Variants in USP24 observed in about 807,000 individuals in gnomAD.
The protein encoded by USP24 is ubiquitin carboxyl-terminal hydrolase 24.
In USP24, 97 loss-of-function variants were observed where a neutral mutation model predicts 361.6. The ratio of observed to expected loss-of-function variants is 0.27; its 90% CI spans 0.23 to 0.32. USP24 has a LOEUF of 0.32. USP24 is among the 10% of genes least tolerant of loss of function. The pLI is 1.00. For synonymous variants in USP24, 1,098 were observed against 1,124.6 expected (o/e 0.98, Z 0.47); for missense variants, 2,353 against 3,165.6 (o/e 0.74, Z 6.16).
intron 56 of USP24, chr1:55,084,379 A>G (rs1645209144): frequency 6.5e-6 from 1 of 152,818 alleles, no homozygotes; most frequent in Non-Finnish European, 1.5e-5. Context: ...ATATCGACTC[A>G]GCCGTGAACT....
Position 55,068,931 on chromosome 1 carries a change from C to T in USP24, c.*114G>A. The T allele has an allele frequency of 8.8e-7, 1 of 1,130,572 alleles. No homozygotes were observed. The highest frequency in any genetic ancestry group is 2.4e-5 in the East Asian group (1 of 42,294). 70.0% of individuals were successfully genotyped at this position (1,130,572 alleles called of 1,614,324 possible). A position where few individuals can be genotyped will look rare whatever the true frequency, so the allele number is the denominator to read the frequency against. On this transcript the variant is annotated 3_prime_UTR_variant, in exon 68 of 68. Transcript: ENST00000294383. ...AATACACGATCCGCCCAAGTCACAG[C>T]AGCTTTCCCAGTCCAATCTCCAGGC...
At chr1:55,179,619 T>C (rs145364829) in intron 1 of USP24, among the ~76,000 whole-genome samples, 232 of 152,292 alleles carry the variant, frequency 1.5e-3, no homozygotes, top group African/African-American at 5.3e-3. Flanking sequence ...ATTCATCTAG[T>C]AGCATAGCCA....
At chr1:55,073,997 CA>C in intron 63 of USP24, 91 bp from the exon 64 acceptor site, 1 of 981,780 alleles carries the variant, frequency 1.0e-6, no homozygotes. Flanking sequence ...TAAAAATCGA[CA>C]AACTATTTTA....
Position 55,172,556 on chromosome 1 carries a change from TGAAAAAA to T in USP24, c.559-43_559-37del, listed in dbSNP as rs1407283474. On this transcript the variant is annotated intron_variant, in intron 3 of 67. Coordinates refer to ENST00000294383, the MANE Select transcript of USP24 (RefSeq NM_015306.3). ...ATAAAGGGCAATCTAGAGTCTAACT[TGAAAAAA>T]GAAAATAAATCTACAGTTTATCAAG... 1.4e-5 allele frequency: 22 copies of T among 1,564,708 alleles called. No individual in the cohort carries two copies. The Admixed American group carries it at 4.4e-4, about 31-fold the overall frequency.
rs755942568 is a variant in USP24, at chr1:55,125,380, C to T, written c.3900G>A (p.Val1300=). 6.2e-7 allele frequency: 1 copy of T among 1,613,862 alleles called. No homozygotes were observed. The highest frequency in any genetic ancestry group is 8.5e-7 in the Non-Finnish European group (1 of 1,179,894). Residue 1300 remains valine, a synonymous_variant, in exon 34 of 68, where the codon GTG becomes GTA. Transcript: ENST00000294383. ...PEKSSYRQLS[V]SDRSSIRVEE... Reference sequence around the variant, plus strand: ...CAACCCTAATAGAAGACCTATCAGACACGGACAACTGTCGGTAGGATGACT... The same window carrying T: ...CAACCCTAATAGAAGACCTATCAGATACGGACAACTGTCGGTAGGATGACT...
At chr1:55,089,497 A>T in intron 55 of USP24, 130 bp downstream of exon 55, 1 of 653,830 alleles carries the variant, frequency 1.5e-6, no homozygotes. Context: ...GTTTCAGTGA[A>T]GAGAGTTTAA....
At chr1:55,076,632 C>T (rs1297987087) in intron 62 of USP24, among the ~76,000 whole-genome samples, 1 of 152,174 alleles carries the variant, frequency 6.6e-6, no homozygotes, top group Non-Finnish European at 1.5e-5. Context: ...TTATTTCACA[C>T]TCAGAATATT....
intron 56 of USP24, 108 bp downstream of exon 56, chr1:55,085,834 T>C (rs1329687326): frequency 8.9e-7 from 1 of 1,118,636 alleles, no homozygotes; most frequent in African/African-American, 1.6e-5. Flanking sequence ...GGTGTATTTA[T>C]GTGGCAAAAT....
rs1258089179 is a variant in USP24, at chr1:55,122,032, T to C, written c.4277-526A>G. On this transcript the variant is annotated intron_variant, in intron 36 of 67. Coordinates refer to ENST00000294383, the MANE Select transcript of USP24 (RefSeq NM_015306.3). ...AATCTACTACACATCAGACAGTGTT[T>C]GGGGGCTGGAGATTCATCAGGGAAC... 2.6e-5 allele frequency among the ~76,000 whole-genome samples: 4 copies of C among 152,304 alleles called. No individual in the cohort carries two copies. In the East Asian group the frequency reaches 7.7e-4, roughly 29 times the overall value.
At chr1:55,210,913 A>G in intron 1 of USP24, among the ~76,000 whole-genome samples, 1 of 152,228 alleles carries the variant, frequency 6.6e-6, no homozygotes, top group Non-Finnish European at 1.5e-5. Context: ...TTAATATGAA[A>G]TCTCCTTCCA....
intron 55 of USP24, among the ~76,000 whole-genome samples, chr1:55,087,672 T>C (rs1472522808): frequency 2.6e-5 from 4 of 152,220 alleles, no homozygotes. Flanking sequence ...AGTATTTGAC[T>C]GCTTGCTATT....
chr1:55,187,860 T>C (rs1644176118), intron 1 of USP24, among the ~76,000 whole-genome samples: 1 of 152,166 alleles, frequency 6.6e-6, no homozygotes. Context: ...CCCAAATTGG[T>C]CTACAAATTG....
intron 38 of USP24, among the ~76,000 whole-genome samples, chr1:55,112,346 G>A (rs970832062): frequency 6.6e-5 from 10 of 152,066 alleles, no homozygotes; most frequent in African/African-American, 1.9e-4. Flanking sequence ...TGCTTCTCTA[G>A]TTCTTTTAAT....
chr1:55,175,505 C>A (rs1007130752), intron 3 of USP24, among the ~76,000 whole-genome samples: 4 of 152,058 alleles, frequency 2.6e-5, no homozygotes, highest in African/African-American at 9.7e-5. Flanking sequence ...GGATTACAGG[C>A]GTGAGCAATT....
intron 1 of USP24, among the ~76,000 whole-genome samples, chr1:55,210,329 T>A (rs1419138627): frequency 1.3e-5 from 2 of 152,190 alleles, no homozygotes; most frequent in African/African-American, 4.8e-5. Context: ...TCATCTACTT[T>A]CAACTGATTT....
At chr1:55,139,726 A>G (rs1646835810) in intron 24 of USP24, among the ~76,000 whole-genome samples, 1 of 152,202 alleles carries the variant, frequency 6.6e-6, no homozygotes, top group South Asian at 2.1e-4. Flanking sequence ...AGGTACTACC[A>G]TTTTTTAACA....
rs1169522847 is a variant in USP24 at position 55,214,916 on chromosome 1, G to A, written c.198C>T (p.Pro66=). 3.9e-6 allele frequency: 5 copies of A among 1,297,752 alleles called. No homozygotes were observed. Among genetic ancestry groups the A allele is most frequent in the Non-Finnish European group, 3.9e-6 (4 of 1,014,956 alleles). 80.4% of individuals were successfully genotyped at this position (1,297,752 alleles called of 1,614,324 possible). ...CGCCGTCGCCCCGCGGGCCCCCGCCGGGCCCGGGGCTGGGGCCACCGCCGC... is the reference window on the plus strand; with the variant it reads ...CGCCGTCGCCCCGCGGGCCCCCGCCAGGCCCGGGGCTGGGGCCACCGCCGC... The part of the protein sequence containing the change: ...MDSGGGPSPG[P]GGGPRGDGGG... Residue 66 remains proline, a synonymous_variant, in exon 1 of 68, where the codon CCC becomes CCT. Transcript: ENST00000294383.
At position 55,068,918 on chromosome 1, in the gene USP24, G is replaced by A. The variant is rs1644865211; in HGVS notation, c.*127C>T. The A allele has an allele frequency of 1.2e-5, 12 of 1,015,656 alleles. No individual in the cohort carries two copies. Among genetic ancestry groups the A allele is most frequent in the Non-Finnish European group, 1.6e-5 (11 of 671,196 alleles). 62.9% of individuals were successfully genotyped at this position (1,015,656 alleles called of 1,614,324 possible). On this transcript the variant is annotated 3_prime_UTR_variant, in exon 68 of 68. Transcript: ENST00000294383. ...GCTTTCCTTGAGAAATACACGATCC[G>A]CCCAAGTCACAGCAGCTTTCCCAGT...
At chr1:55,102,804 T>C (rs1445333512) in intron 42 of USP24, among the ~76,000 whole-genome samples, 2 of 152,226 alleles carry the variant, frequency 1.3e-5, no homozygotes, top group East Asian at 3.8e-4. Context: ...AAGAAGTTCA[T>C]TTAAATCTGA....
Sources: gnomAD v4.1 joint callset for allele counts (sites outside exome capture counted in the v4.1 genomes callset) on GRCh38, gnomAD v4.1.1 for gene constraint, MANE v1.5 for transcripts, NCBI Gene and HGNC (gene_info 2026-07-23, HGNC 2026-07-21) for gene names.